GLP2R: variants seen among roughly 807,000 people sequenced by gnomAD.
GLP2R encodes glucagon-like peptide 2 receptor.
A neutral mutation model predicts 68.2 loss-of-function variants in GLP2R; 59 were observed. The observed-to-expected ratio is 0.87, with a 90% confidence interval of 0.70 to 1.07. The LOEUF (loss-of-function observed/expected upper bound fraction) is 1.07. GLP2R is among the 50% of genes least tolerant of loss of function. GLP2R has a pLI of 0.00. For missense variants in GLP2R, 548 were observed against 677.4 expected, an observed-to-expected ratio of 0.81 and a Z score of 2.12; for synonymous variants, 270 against 265.4, an observed-to-expected ratio of 1.02 and a Z score of -0.17.
chr17:9,886,370 C>G (rs990380794), intron 11 of GLP2R, among the ~76,000 whole-genome samples: 21 of 152,120 alleles, frequency 1.4e-4, no homozygotes, highest in African/African-American at 2.9e-4. Flanking sequence ...GAGAACCAGA[C>G]CCTAGGATGT....
chr17:9,870,780 C>G lies in GLP2R; in HGVS notation c.1090C>G (p.Leu364Val). 1 of 1,579,868 alleles carries G rather than the reference C, an allele frequency of 6.3e-7. No homozygotes were observed. The highest frequency in any genetic ancestry group is 1.1e-5 in the South Asian group (1 of 90,440). ...CTTCATCTTCCTGAAAATTCTCAAG[C>G]TTCTCATTTCTAAGCTCAAAGCTCA... ...NFFIFLKILKLLISKLKAHQM... is the reference protein window; with the variant it reads ...NFFIFLKILKVLISKLKAHQM... Residue 364 changes from leucine (L) to valine (V), a missense_variant, in exon 10 of 13, where the codon CTT (leucine) becomes GTT (valine). By Grantham distance (32) the Leu-to-Val change is conservative. Coordinates refer to ENST00000262441, the MANE Select transcript of GLP2R (RefSeq NM_004246.3).
At chr17:9,858,585 T>C (rs968195271) in intron 6 of GLP2R, among the ~76,000 whole-genome samples, 7 of 152,228 alleles carry the variant, frequency 4.6e-5, no homozygotes, top group African/African-American at 7.2e-5. Flanking sequence ...GTTTGATAGA[T>C]TGTGCCAATT....
At chr17:9,878,065 A>C (rs2067157872) in intron 10 of GLP2R, among the ~76,000 whole-genome samples, 1 of 152,226 alleles carries the variant, frequency 6.6e-6, no homozygotes. Flanking sequence ...TAGGCATATA[A>C]GTCTGTATCT....
At position 9,891,156 on chromosome 17, in the gene GLP2R, A is replaced by C. The variant is rs1210708282; in HGVS notation, c.*1451A>C. The C allele has an allele frequency of 6.6e-6, 1 of 152,228 alleles. No homozygotes were observed. The highest frequency in any genetic ancestry group is 1.9e-4 in the East Asian group (1 of 5,200). The allele number at this position is 152,228 out of a possible 1,614,324, so 9.4% of individuals were successfully genotyped here. A position where few individuals can be genotyped will look rare whatever the true frequency, so the allele number is the denominator to read the frequency against. ...AAAACAAGGTACTCAATTAAATTTG[A>C]ATTTCAGACAAATAGTCTTCTTGTA... On this transcript the variant is annotated 3_prime_UTR_variant, in exon 13 of 13. Transcript: ENST00000262441.
At chr17:9,833,775 C>T (rs753914982) in intron 1 of GLP2R, 32 bp from the exon 2 acceptor site, 17 of 1,389,578 alleles carry the variant, frequency 1.2e-5, no homozygotes, top group Non-Finnish European at 1.7e-5. Context: ...TGTGCTTGGT[C>T]ACTGGGGGTG....
intron 5 of GLP2R, among the ~76,000 whole-genome samples, chr17:9,855,083 T>C (rs1213309939): frequency 6.6e-6 from 1 of 152,230 alleles, no homozygotes; most frequent in Admixed American, 6.5e-5. Flanking sequence ...TGAGCCGCAG[T>C]GCACCATGAT....
Position 9,889,665 on chromosome 17 carries a change from C to T in GLP2R, c.1622C>T (p.Ala541Val), listed in dbSNP as rs1201704707. 2 of 1,602,018 alleles carry T rather than the reference C, an allele frequency of 1.2e-6. No individual in the cohort carries two copies. Among genetic ancestry groups the T allele is most frequent in the Non-Finnish European group, 1.7e-6 (2 of 1,172,398 alleles). The change falls in exon 13 of 13, where the codon GCC becomes GTC. Residue 541 changes from alanine (A) to valine (V), a missense_variant. Coordinates refer to ENST00000262441, the MANE Select transcript of GLP2R (RefSeq NM_004246.3). ...TGCAGTGAGGGGGATGTCACCATGG[C>T]CAACACCATGGAGGAGATTCTGGAA... is the stretch of plus-strand genomic sequence containing the variant. Reference protein sequence around the residue: ...SECSEGDVTMANTMEEILEES... With the variant: ...SECSEGDVTMVNTMEEILEES...
rs904225188 is a variant in GLP2R at position 9,847,519 on chromosome 17, C to T, written c.504+4903C>T. Among the ~76,000 whole-genome samples the T allele has an allele frequency of 5.3e-5, 8 of 152,296 alleles. No homozygotes were observed. The South Asian group carries it at 6.2e-4, about 12-fold the overall frequency. The stretch of plus-strand genomic sequence containing the variant: ...GCCTGACCTCGTGATCTGTCCGCCT[C>T]AGCCTCCCAAAGTGCTGGGATTACA... On this transcript the variant is annotated intron_variant, in intron 4 of 12. Coordinates refer to ENST00000262441, the MANE Select transcript of GLP2R (RefSeq NM_004246.3).
chr17:9,845,969 A>G (rs2066834715), intron 4 of GLP2R, among the ~76,000 whole-genome samples: 1 of 152,184 alleles, frequency 6.6e-6, no homozygotes, highest in Non-Finnish European at 1.5e-5. Flanking sequence ...CTGCGCTATT[A>G]CATTTGATAT....
chr17:9,842,728 C>G, intron 4 of GLP2R, 112 bp downstream of exon 4: 2 of 1,188,732 alleles, frequency 1.7e-6, no homozygotes, highest in Non-Finnish European at 2.4e-6. Flanking sequence ...TCTCCAGCGC[C>G]TCTCCCCGGG....
rs1218755785 is a variant in GLP2R at position 9,831,952 on chromosome 17, C to T, written c.190-1855C>T. Reference sequence around the variant, plus strand: ...CTTGGCATCGTAGGGATGCCAAAGACGACAGACCAGAATGCCCTTGGCCTT... The same window carrying T: ...CTTGGCATCGTAGGGATGCCAAAGATGACAGACCAGAATGCCCTTGGCCTT... On this transcript the variant is annotated intron_variant, in intron 1 of 12. Coordinates refer to ENST00000262441, the MANE Select transcript of GLP2R (RefSeq NM_004246.3). Among the ~76,000 whole-genome samples, 7 of 152,290 alleles carry T rather than the reference C, an allele frequency of 4.6e-5. No homozygotes were observed. In the East Asian group the frequency reaches 1.2e-3, roughly 25 times the overall value.
Position 9,859,934 on chromosome 17 carries a change from C to T in GLP2R, c.766-8C>T. On this transcript the variant is annotated splice_polypyrimidine_tract_variant and splice_region_variant and intron_variant, in intron 6 of 12. Transcript: ENST00000262441. ...TGGACTCACCCTCAGGTGTTTTTTC[C>T]TCTGCAGATGTCCACCTCCTGCCGC... 4 of 1,572,708 alleles carry T rather than the reference C, an allele frequency of 2.5e-6. No individual in the cohort carries two copies. The highest frequency in any genetic ancestry group is 3.5e-6 in the Non-Finnish European group (4 of 1,155,460).
chr17:9,879,342 A>AAAT (rs1406573198), intron 10 of GLP2R, among the ~76,000 whole-genome samples: 2 of 147,754 alleles, frequency 1.4e-5, no homozygotes, highest in Non-Finnish European at 3.0e-5. Context: ...AAATAAAATA[A>AAAT]AATAATTATC....
At chr17:9,884,263 G>T (rs969684525) in intron 11 of GLP2R, among the ~76,000 whole-genome samples, 1 of 152,132 alleles carries the variant, frequency 6.6e-6, no homozygotes, top group Non-Finnish European at 1.5e-5. Flanking sequence ...GAATTAAAAT[G>T]GTACACTGGA....
chr17:9,849,283 A>G (rs1710789258), intron 4 of GLP2R, among the ~76,000 whole-genome samples: 1 of 152,010 alleles, frequency 6.6e-6, no homozygotes, highest in African/African-American at 2.4e-5. Context: ...TTTCTTTCTG[A>G]AATATTCAAA....
At chr17:9,884,245 T>A (rs961117499) in intron 11 of GLP2R, among the ~76,000 whole-genome samples, 2 of 150,054 alleles carry the variant, frequency 1.3e-5, no homozygotes, top group African/African-American at 5.1e-5. Context: ...TTTAAAATAC[T>A]AGCAAAGGAA....
At chr17:9,857,287 A>G (rs1009198970) in intron 5 of GLP2R, 136 bp from the exon 6 acceptor site, 3 of 723,234 alleles carry the variant, frequency 4.1e-6, no homozygotes, top group Non-Finnish European at 6.9e-6. Flanking sequence ...CGGTCACATA[A>G]TCCAGCAGTC....
intron 10 of GLP2R, among the ~76,000 whole-genome samples, chr17:9,874,960 A>G (rs2067130875): frequency 1.3e-5 from 2 of 152,204 alleles, no homozygotes; most frequent in African/African-American, 4.8e-5. Context: ...AGGGTGAGAT[A>G]GGCACTGAGA....
rs566906629 is a variant in GLP2R at position 9,870,709 on chromosome 17, T to A, written c.1057-38T>A. On this transcript the variant is annotated intron_variant, in intron 9 of 12. Transcript: ENST00000262441. ...CTTGAAGTTCACAGCTATGTGGAAT[T>A]CGTCACTTACTTACCCAATTCTGCT... The A allele has an allele frequency of 8.1e-5, 76 of 933,286 alleles. No homozygotes were observed. The South Asian group carries it at 9.2e-4, about 11-fold the overall frequency. 57.8% of individuals were successfully genotyped at this position (933,286 alleles called of 1,614,324 possible).
Sources: gnomAD v4.1 joint callset for allele counts (sites outside exome capture counted in the v4.1 genomes callset) on GRCh38, gnomAD v4.1.1 for gene constraint, MANE v1.5 for transcripts, NCBI Gene and HGNC (gene_info 2026-07-23, HGNC 2026-07-21) for gene names.